Variants in KCNK1 observed in about 807,000 individuals in gnomAD.
KCNK1 encodes the protein potassium channel subfamily K member 1.
In KCNK1, 10 loss-of-function variants were observed where a neutral mutation model predicts 22.2. The observed-to-expected ratio is 0.45, with a 90% CI of 0.28 to 0.76. The LOEUF (loss-of-function observed/expected upper bound fraction) is 0.76. KCNK1 is among the 30% of genes least tolerant of loss of function. KCNK1 has a pLI of 0.14. For synonymous variants in KCNK1, 200 were observed against 186.4 expected, an observed-to-expected ratio of 1.07 and a Z score of -0.60; for missense variants, 378 against 421.0, an observed-to-expected ratio of 0.90 and a Z score of 0.89.
chr1:233,654,537 G>C (rs1010164500), intron 1 of KCNK1, among the ~76,000 whole-genome samples: 1 of 152,090 alleles, frequency 6.6e-6, no homozygotes, highest in African/African-American at 2.4e-5. Context: ...TGTGAAAAGA[G>C]AGAAAAGATT....
chr1:233,667,298 T>A (rs914368714), intron 2 of KCNK1, among the ~76,000 whole-genome samples: 6 of 152,238 alleles, frequency 3.9e-5, no homozygotes, highest in African/African-American at 1.4e-4. Context: ...ATTTACCACC[T>A]TCTCAACCAT....
intron 1 of KCNK1, among the ~76,000 whole-genome samples, chr1:233,647,394 T>C (rs1001613054): frequency 1.3e-5 from 2 of 152,152 alleles, no homozygotes; most frequent in Non-Finnish European, 2.9e-5. Context: ...TGAAGAAACT[T>C]AGGGTGAAAG....
At chr1:233,636,755 T>TTG (rs59315772) in intron 1 of KCNK1, among the ~76,000 whole-genome samples, 115,996 of 151,884 alleles carry the variant, frequency 0.76, 44,567 homozygotes, top group African/African-American at 0.84. Context: ...AAACAGGTGA[T>TTG]CCCTCTAGGA....
chr1:233,648,156 GT>G (rs1300284734), intron 1 of KCNK1, among the ~76,000 whole-genome samples: 1 of 152,134 alleles, frequency 6.6e-6, no homozygotes. Context: ...TTCATTTCCT[GT>G]TTATGTGGTA....
At chr1:233,636,369 A>G (rs1298049456) in intron 1 of KCNK1, among the ~76,000 whole-genome samples, 2 of 152,188 alleles carry the variant, frequency 1.3e-5, no homozygotes, top group East Asian at 1.9e-4. Context: ...GGCTTGGGCT[A>G]CAGCAGGAGA....
chr1:233,660,671 G>C (rs1658374351), intron 1 of KCNK1: 1 of 152,214 alleles, frequency 6.6e-6, no homozygotes, highest in Non-Finnish European at 1.5e-5. Context: ...CTGTGTGTGA[G>C]TTGCACGGTC....
At position 233,614,129 on chromosome 1, in the gene KCNK1, C is replaced by CTT; in HGVS notation, c.-43_-42insTT. 3 of 1,271,460 alleles carry CTT rather than the reference C, an allele frequency of 2.4e-6. No homozygotes were observed. The highest frequency in any genetic ancestry group is 2.9e-4 in the Middle Eastern group (1 of 3,498). 78.8% of individuals were successfully genotyped at this position (1,271,460 alleles called of 1,614,324 possible). A position where few individuals can be genotyped will look rare whatever the true frequency, so the allele number is the denominator to read the frequency against. ...CCAGAAGAGGCGGCGGGCCGCGCTC[C>CTT]GGCCGGTCTGCGGCGTTGGCCTTGG... On this transcript the variant is annotated 5_prime_UTR_variant, in exon 1 of 3. Coordinates refer to ENST00000366621, the MANE Select transcript of KCNK1 (RefSeq NM_002245.4).
intron 1 of KCNK1, among the ~76,000 whole-genome samples, chr1:233,619,418 A>G (rs924933882): frequency 1.3e-5 from 2 of 152,192 alleles, no homozygotes; most frequent in African/African-American, 4.8e-5. Flanking sequence ...TAAAGTGTTC[A>G]GTAAGTGAAC....
chr1:233,625,790 G>A (rs1290619086), intron 1 of KCNK1, among the ~76,000 whole-genome samples: 9 of 152,134 alleles, frequency 5.9e-5, no homozygotes, highest in Admixed American at 1.3e-4. Flanking sequence ...AGAGGAGGTG[G>A]GGAGTGCCTT....
intron 1 of KCNK1, among the ~76,000 whole-genome samples, chr1:233,663,057 G>A (rs1037347502): frequency 1.3e-5 from 2 of 152,132 alleles, no homozygotes; most frequent in Non-Finnish European, 2.9e-5. Context: ...AAATTCAATA[G>A]GACTGAAAGT....
chr1:233,632,252 G>A (rs1014819252), intron 1 of KCNK1, among the ~76,000 whole-genome samples: 2 of 152,172 alleles, frequency 1.3e-5, no homozygotes, highest in African/African-American at 4.8e-5. Flanking sequence ...GGTTCTGCAT[G>A]AATTCACTTT....
chr1:233,631,521 C>T (rs937603280), intron 1 of KCNK1: 5 of 338,758 alleles, frequency 1.5e-5, no homozygotes, highest in Non-Finnish European at 2.9e-5. Flanking sequence ...TGAATTTCTC[C>T]CTGCTTGTAG....
At position 233,671,428 on chromosome 1, in the gene KCNK1, G is replaced by T. The variant is rs147325030; in HGVS notation, c.909G>T (p.Ser303=). Residue 303 remains serine, a synonymous_variant, in exon 3 of 3, where the codon TCG becomes TCT. Transcript: ENST00000366621. ...AGCATGACCAACTGTCCTTCTCCTC[G>T]ATCACAGACCAGGCAGCTGGCATGA... ...IIEHDQLSFS[S]ITDQAAGMKE... 1 of 1,614,102 alleles carries T rather than the reference G, an allele frequency of 6.2e-7. No homozygotes were observed. Among genetic ancestry groups the T allele is most frequent in the Admixed American group, 1.7e-5 (1 of 60,008 alleles).
intron 1 of KCNK1, among the ~76,000 whole-genome samples, chr1:233,653,531 G>A (rs939678943): frequency 6.6e-6 from 1 of 152,202 alleles, no homozygotes; most frequent in Admixed American, 6.5e-5. Flanking sequence ...AGACTGAGTA[G>A]AGAAGATCCA....
Position 233,671,938 on chromosome 1 carries a change from G to A in KCNK1, c.*408G>A, listed in dbSNP as rs550586388. 5.2e-6 allele frequency: 1 copy of A among 190,512 alleles called. No homozygotes were observed. The highest frequency in any genetic ancestry group is 1.0e-4 in the South Asian group (1 of 9,772). The allele number at this position is 190,512 out of a possible 1,614,324, so 11.8% of individuals were successfully genotyped here. ...TTTAGAAGCAAAAAAAAAAAGCATA[G>A]AGATGTGTTTTATAAATAGGTTTAT... On this transcript the variant is annotated 3_prime_UTR_variant, in exon 3 of 3. Coordinates refer to ENST00000366621, the MANE Select transcript of KCNK1 (RefSeq NM_002245.4).
In KCNK1 at chr1:233,662,270, T is replaced by TCC. The variant is rs879277891; in HGVS notation, c.356-4325_356-4324insCC. On this transcript the variant is annotated intron_variant, in intron 1 of 2. Coordinates refer to ENST00000366621, the MANE Select transcript of KCNK1 (RefSeq NM_002245.4). ...CTTCTTCTTCTTCTTCTTCTTCTTC[T>TCC]TCTCCTCCTCCTCCTCCTCTTCCTC... is the stretch of plus-strand genomic sequence containing the variant. Among the ~76,000 whole-genome samples, 96 of 99,596 alleles carry TCC rather than the reference T, an allele frequency of 9.6e-4. 1 individual carries two copies. In the East Asian group the frequency reaches 0.032, roughly 33 times the overall value. The allele number at this position is 99,596 out of a possible 152,430, so 65.3% of individuals were successfully genotyped here. A position where few individuals can be genotyped will look rare whatever the true frequency, so the allele number is the denominator to read the frequency against.
At chr1:233,645,193 C>CA (rs113695541) in intron 1 of KCNK1, among the ~76,000 whole-genome samples, 3,824 of 79,202 alleles carry the variant, frequency 0.048, 128 homozygotes, top group African/African-American at 0.13. Context: ...GACTTTGTCT[C>CA]AAAAAAAAAA....
chr1:233,671,106 C>T (rs1658588322), intron 2 of KCNK1, among the ~76,000 whole-genome samples, 165 bp from the exon 3 acceptor site: 2 of 152,066 alleles, frequency 1.3e-5, no homozygotes, highest in Non-Finnish European at 2.9e-5. Flanking sequence ...TGGGTAGTTC[C>T]TCTTTGAACC....
chr1:233,615,626 C>G (rs1451841413), intron 1 of KCNK1, among the ~76,000 whole-genome samples: 1 of 152,194 alleles, frequency 6.6e-6, no homozygotes, highest in South Asian at 2.1e-4. Flanking sequence ...GTCCTGGAAC[C>G]TGGGCCTTGT....
Sources: gnomAD v4.1 joint callset for allele counts (sites outside exome capture counted in the v4.1 genomes callset) on GRCh38, gnomAD v4.1.1 for gene constraint, MANE v1.5 for transcripts, NCBI Gene and HGNC (gene_info 2026-07-23, HGNC 2026-07-21) for gene names.